The following SYK variants were observed in gnomAD, a reference collection of about 807,000 sequenced individuals.
SYK encodes the protein tyrosine-protein kinase SYK.
Under a neutral mutation model 77.8 loss-of-function variants are expected in SYK, and 16 were observed. That is an observed-to-expected ratio of 0.21 (90% CI 0.14 to 0.31). The LOEUF is 0.31. Among genes scored for constraint, SYK ranks in the 10% least tolerant of loss-of-function variants. The pLI, the probability that SYK is intolerant of heterozygous loss-of-function variation, is 1.00. For missense variants in SYK, 529 were observed against 814.4 expected (o/e 0.65, Z 4.26); for synonymous variants, 312 against 308.7 (o/e 1.01, Z -0.11).
chr9:90,882,100 A>G (rs1196408490), intron 11 of SYK, among the ~76,000 whole-genome samples: 1 of 152,264 alleles, frequency 6.6e-6, no homozygotes, highest in African/African-American at 2.4e-5. Flanking sequence ...ACCAGAAAAA[A>G]GTATACACTA....
chr9:90,821,039 C>A (rs1221099024), intron 1 of SYK, among the ~76,000 whole-genome samples: 1 of 152,138 alleles, frequency 6.6e-6, no homozygotes, highest in Non-Finnish European at 1.5e-5. Flanking sequence ...TAAAACATAA[C>A]AAGAGTCACC....
Position 90,878,960 on chromosome 9 carries a change from A to G in SYK, c.1581+7A>G. The G allele has an allele frequency of 1.3e-6, 2 of 1,588,978 alleles. No homozygotes were observed. The highest frequency in any genetic ancestry group is 1.7e-6 in the Non-Finnish European group (2 of 1,158,374). ...TGATGAAAACTACTACAAGGTAAGTACAACTTAGCTAATATTCAGAGCAGC... is the reference window on the plus strand; with the variant it reads ...TGATGAAAACTACTACAAGGTAAGTGCAACTTAGCTAATATTCAGAGCAGC... On this transcript the variant is annotated splice_region_variant and intron_variant, in intron 11 of 13. Transcript: ENST00000375754.
rs1049468977 is a variant in SYK, at chr9:90,895,494, A to G, written c.1836-34A>G. The G allele has an allele frequency of 3.1e-6, 5 of 1,612,012 alleles. No individual in the cohort carries two copies. Among genetic ancestry groups the G allele is most frequent in the African/African-American group, 2.7e-5 (2 of 74,890 alleles). On this transcript the variant is annotated intron_variant, in intron 13 of 13. Coordinates refer to ENST00000375754, the MANE Select transcript of SYK (RefSeq NM_003177.7). The surrounding 1 kb of genome is among the most constrained non-coding windows in gnomAD (Gnocchi z 4.4). ...GTGATCAGCAATTTTTCACAAGCACATTGACAAACAAGAATGCATCTCTTC... is the reference window on the plus strand; with the variant it reads ...GTGATCAGCAATTTTTCACAAGCACGTTGACAAACAAGAATGCATCTCTTC...
chr9:90,845,683 A>G lies in SYK; in HGVS notation c.578+89A>G, dbSNP rs1322015594. 4 of 1,503,406 alleles carry G rather than the reference A, an allele frequency of 2.7e-6. No individual in the cohort carries two copies. The African/African-American group carries it at 4.1e-5, about 16-fold the overall frequency. 93.1% of individuals were successfully genotyped at this position (1,503,406 alleles called of 1,614,324 possible). A position where few individuals can be genotyped will look rare whatever the true frequency, so the allele number is the denominator to read the frequency against. On this transcript the variant is annotated intron_variant, in intron 3 of 13. Transcript: ENST00000375754. ...TCAGCTTCCTTGTGACTGGCCCCACATGACCCTGGGAAGAGGCCATGCATT... is the reference window on the plus strand; with the variant it reads ...TCAGCTTCCTTGTGACTGGCCCCACGTGACCCTGGGAAGAGGCCATGCATT...
At chr9:90,829,224 C>T (rs1474985482) in intron 1 of SYK, among the ~76,000 whole-genome samples, 2 of 151,274 alleles carry the variant, frequency 1.3e-5, no homozygotes, top group South Asian at 2.1e-4. Context: ...AGGAGGCAGA[C>T]GTTGCAGTGA....
At chr9:90,850,240 C>G (rs985329930) in intron 3 of SYK, among the ~76,000 whole-genome samples, 1 of 152,170 alleles carries the variant, frequency 6.6e-6, no homozygotes, top group South Asian at 2.1e-4. Context: ...TTATTTCGGC[C>G]GGGCATGGTG....
chr9:90,855,003 CACAT>C (rs1469219315), intron 3 of SYK, among the ~76,000 whole-genome samples: 1 of 94,982 alleles, frequency 1.1e-5, no homozygotes, highest in South Asian at 3.4e-4. Flanking sequence ...CTCACACACA[CACAT>C]ACATACACAC....
intron 1 of SYK, among the ~76,000 whole-genome samples, chr9:90,830,136 C>T (rs913047639): frequency 6.6e-6 from 1 of 152,236 alleles, no homozygotes; most frequent in African/African-American, 2.4e-5. Flanking sequence ...AAGAAGTCCC[C>T]CATGTATGCC....
chr9:90,804,226 A>T lies in SYK; in HGVS notation c.-42+2333A>T, dbSNP rs180835789. On this transcript the variant is annotated intron_variant, in intron 1 of 13. Transcript: ENST00000375754. ...AAGATTTTACTGAATTTTCAATCAT[A>T]CCGATCAAAATAGAGGTACTTCAAG... 9.1e-4 allele frequency among the ~76,000 whole-genome samples: 139 copies of T among 152,312 alleles called. 1 individual carries two copies. Among genetic ancestry groups the T allele is most frequent in the African/African-American group, 3.3e-3 (136 of 41,570 alleles).
intron 1 of SYK, among the ~76,000 whole-genome samples, chr9:90,816,596 G>A (rs1187443588): frequency 3.3e-5 from 5 of 152,188 alleles, no homozygotes; most frequent in African/African-American, 1.2e-4. Context: ...CAAGGTGGAA[G>A]GGTTGAATCA....
At chr9:90,829,382 T>C (rs913980) in intron 1 of SYK, among the ~76,000 whole-genome samples, 16,066 of 152,102 alleles carry the variant, frequency 0.11, 1,307 homozygotes, top group East Asian at 0.45. Context: ...CCCAGAACCC[T>C]GCTTTCCAGA....
At chr9:90,884,308 CACAT>C (rs1455898649) in intron 11 of SYK, among the ~76,000 whole-genome samples, 9 of 126,634 alleles carry the variant, frequency 7.1e-5, no homozygotes, top group East Asian at 6.4e-4. Flanking sequence ...TATATATACA[CACAT>C]ATACACATAC....
Position 90,845,556 on chromosome 9 carries a change from A to G in SYK, c.540A>G (p.Gln180=), listed in dbSNP as rs1826558125. The G allele has an allele frequency of 1.2e-6, 2 of 1,614,194 alleles. No homozygotes were observed. The highest frequency in any genetic ancestry group is 4.5e-5 in the East Asian group (2 of 44,884). Residue 180 remains glutamine (Q), a synonymous_variant, in exon 3 of 14, where the codon CAA becomes CAG. Coordinates refer to ENST00000375754, the MANE Select transcript of SYK (RefSeq NM_003177.7). The part of the protein sequence containing the change: ...HGKISREESE[Q]IVLIGSKTNG... ...AAATCTCTCGGGAAGAATCTGAGCA[A>G]ATTGTCCTGATAGGATCAAAGACAA...
intron 1 of SYK, among the ~76,000 whole-genome samples, chr9:90,814,155 T>TCC (rs1359489405): frequency 6.6e-6 from 1 of 152,114 alleles, no homozygotes; most frequent in Non-Finnish European, 1.5e-5. Flanking sequence ...GTGAAAAATG[T>TCC]ATCACCCCCA....
intron 1 of SYK, among the ~76,000 whole-genome samples, chr9:90,804,420 C>A (rs1369996012): frequency 6.6e-6 from 1 of 152,206 alleles, no homozygotes; most frequent in African/African-American, 2.4e-5. Flanking sequence ...ACTTTGCAAC[C>A]AGCTGGGTTT....
In SYK at chr9:90,844,032, G is replaced by C. The variant is rs16906862; in HGVS notation, c.134G>C (p.Arg45Pro). The change falls in exon 2 of 14, where the codon CGC (arginine) becomes CCC (proline). Residue 45 changes from arginine to proline, a missense_variant. Arg to Pro is a moderately radical substitution (Grantham distance 103). This residue lies in a region of SYK where 321 missense variants were observed against 433.1 expected (regional missense o/e 0.74). Coordinates refer to ENST00000375754, the MANE Select transcript of SYK (RefSeq NM_003177.7). ...SDGLYLLRQS[R>P]NYLGGFALSV... ...GGGCTTTATTTGCTGCGCCAGAGCC[G>C]CAACTACCTGGGTGGCTTCGCCCTG... is the stretch of plus-strand genomic sequence containing the variant. The C allele has an allele frequency of 1.9e-6, 3 of 1,612,202 alleles. No individual in the cohort carries two copies. Among genetic ancestry groups the C allele is most frequent in the Non-Finnish European group, 2.5e-6 (3 of 1,179,086 alleles).
At chr9:90,872,452 T>A (rs1827766921) in intron 7 of SYK, among the ~76,000 whole-genome samples, 1 of 152,108 alleles carries the variant, frequency 6.6e-6, no homozygotes, top group Non-Finnish European at 1.5e-5. Context: ...TTAAAAAAAA[T>A]AAAACTATTT....
rs764454931 is a variant in SYK at position 90,843,889 on chromosome 9, C to A, written c.-10C>A. The A allele has an allele frequency of 1.3e-6, 2 of 1,514,380 alleles. No homozygotes were observed. The highest frequency in any genetic ancestry group is 1.4e-5 in the African/African-American group (1 of 72,404). 93.8% of individuals were successfully genotyped at this position (1,514,380 alleles called of 1,614,324 possible). Reference sequence around the variant, plus strand: ...ACCTGCGCAGGTGTGTGCCCTCCGGCCCCTGAAGCATGGCCAGCAGCGGCA... The same window carrying A: ...ACCTGCGCAGGTGTGTGCCCTCCGGACCCTGAAGCATGGCCAGCAGCGGCA... On this transcript the variant is annotated 5_prime_UTR_variant, in exon 2 of 14. Coordinates refer to ENST00000375754, the MANE Select transcript of SYK (RefSeq NM_003177.7).
At chr9:90,825,530 CA>C (rs1285824155) in intron 1 of SYK, among the ~76,000 whole-genome samples, 2 of 152,194 alleles carry the variant, frequency 1.3e-5, no homozygotes, top group Non-Finnish European at 2.9e-5. Context: ...ATCAAAAATT[CA>C]CATGCTAGAA....
Sources: gnomAD v4.1 joint callset for allele counts (sites outside exome capture counted in the v4.1 genomes callset) on GRCh38, gnomAD v4.1.1 for gene constraint, gnomAD v4.1.1 regional missense constraint, Gnocchi (gnomAD v3.1) non-coding constraint, MANE v1.5 for transcripts, NCBI Gene and HGNC (gene_info 2026-07-23, HGNC 2026-07-21) for gene names.